Variants in ZPBP observed in about 807,000 individuals in gnomAD.
ZPBP encodes zona pellucida-binding protein 1.
In ZPBP, 26 loss-of-function variants were observed where a neutral mutation model predicts 44.8. The ratio of observed to expected loss-of-function variants is 0.58; its 90% CI spans 0.43 to 0.81. The LOEUF (loss-of-function observed/expected upper bound fraction) is 0.81, where lower values mean the gene tolerates loss of function less well. Ranked by LOEUF, ZPBP falls within the 30% of genes least tolerant of loss-of-function variation. The pLI is 0.00. For missense variants in ZPBP, 409 were observed against 434.0 expected (o/e 0.94, Z 0.51); for synonymous variants, 174 against 153.2 (o/e 1.14, Z -1.00).
At chr7:49,984,623 T>C (rs1397897028) in intron 6 of ZPBP, among the ~76,000 whole-genome samples, 3 of 152,126 alleles carry the variant, frequency 2.0e-5, no homozygotes, top group Non-Finnish European at 4.4e-5. Flanking sequence ...GAGAATCTAA[T>C]GCTGTCACTG....
chr7:49,879,589 T>A (rs942302255), intron 2 of ZPBP, among the ~76,000 whole-genome samples: 5 of 152,296 alleles, frequency 3.3e-5, no homozygotes, highest in Middle Eastern at 3.4e-3. Context: ...GCAGCACTTC[T>A]GGGTCCTGAC....
intron 7 of ZPBP, among the ~76,000 whole-genome samples, chr7:49,982,695 G>A (rs1326902968): frequency 6.6e-6 from 1 of 151,678 alleles, no homozygotes; most frequent in East Asian, 1.9e-4. Flanking sequence ...ACTAAGACAG[G>A]TATAAATTTA....
At chr7:49,959,135 C>T (rs2128763275) in intron 7 of ZPBP, among the ~76,000 whole-genome samples, 1 of 151,982 alleles carries the variant, frequency 6.6e-6, no homozygotes, top group Non-Finnish European at 1.5e-5. Flanking sequence ...AACCCTACAG[C>T]TAATACCATA....
intron 7 of ZPBP, among the ~76,000 whole-genome samples, chr7:49,950,460 G>A (rs1393144304): frequency 4.6e-5 from 7 of 151,648 alleles, no homozygotes; most frequent in Non-Finnish European, 8.9e-5. Context: ...AAAATTGGCA[G>A]CTTTTAACAA....
the ZPBP span, among the ~76,000 whole-genome samples, chr7:49,843,580 A>G: frequency 6.6e-6 from 1 of 152,326 alleles, no homozygotes; most frequent in South Asian, 2.1e-4. Flanking sequence ...TCAATGAATG[A>G]TTTTAGTTTT....
intron 6 of ZPBP, among the ~76,000 whole-genome samples, chr7:49,984,249 C>T (rs747311444): frequency 1.7e-4 from 26 of 152,278 alleles, no homozygotes; most frequent in Middle Eastern, 3.4e-3. Context: ...CACCTCATGT[C>T]TACTGAGTTC....
At chr7:50,023,576 C>T (rs1301251993) in intron 5 of ZPBP, among the ~76,000 whole-genome samples, 1 of 151,956 alleles carries the variant, frequency 6.6e-6, no homozygotes, top group Non-Finnish European at 1.5e-5. Context: ...GCATAATGTT[C>T]AGCTTTCCAC....
chr7:49,866,872 G>A (rs894097418), intron 2 of ZPBP, among the ~76,000 whole-genome samples: 6 of 152,278 alleles, frequency 3.9e-5, no homozygotes, highest in Admixed American at 1.3e-4. Flanking sequence ...TGCCTGAGGC[G>A]GGAACATGCC....
At chr7:49,847,619 C>T (rs1316880479), downstream of ZPBP, among the ~76,000 whole-genome samples, 1 of 152,186 alleles carries the variant, frequency 6.6e-6, no homozygotes, top group East Asian at 1.9e-4. Context: ...TTGAGGAACA[C>T]ACAGGGGCAC....
At chr7:49,992,692 T>A (rs1046065829) in intron 6 of ZPBP, among the ~76,000 whole-genome samples, 1 of 152,138 alleles carries the variant, frequency 6.6e-6, no homozygotes, top group Non-Finnish European at 1.5e-5. Flanking sequence ...ATAAAATGCA[T>A]TTATTGCAAG....
intron 3 of ZPBP, among the ~76,000 whole-genome samples, chr7:50,079,554 G>C (rs1202954514): frequency 6.6e-6 from 1 of 151,534 alleles, no homozygotes; most frequent in Admixed American, 6.6e-5. Flanking sequence ...ACCAGGGACT[G>C]GGGGGTTGGA....
At chr7:50,074,236 A>G (rs150902466) in intron 3 of ZPBP, among the ~76,000 whole-genome samples, 28 of 152,162 alleles carry the variant, frequency 1.8e-4, no homozygotes, top group African/African-American at 6.3e-4. Flanking sequence ...ATTATAAGAT[A>G]GCAATTGCAA....
chr7:50,004,953 G>C lies in ZPBP; in HGVS notation c.783+13287C>G, dbSNP rs115718012. On this transcript the variant is annotated intron_variant, in intron 6 of 7. Transcript: ENST00000046087. ...TGGCCACAAAAATACATAAAGCTCA[G>C]TGAATGCTAAGTAGTAATAATTTAA... Among the ~76,000 whole-genome samples, 699 of 151,686 alleles carry C rather than the reference G, an allele frequency of 4.6e-3. 13 individuals carry two copies. Among genetic ancestry groups the C allele is most frequent in the African/African-American group, 0.016 (679 of 41,296 alleles).
At chr7:49,943,738 G>A in intron 7 of ZPBP, 1 of 247,426 alleles carries the variant, frequency 4.0e-6, no homozygotes, top group Non-Finnish European at 7.9e-6. Flanking sequence ...CAATGTGACG[G>A]GAACGGGTAC....
chr7:49,947,699 T>A (rs1795160884), intron 7 of ZPBP, among the ~76,000 whole-genome samples: 1 of 152,232 alleles, frequency 6.6e-6, no homozygotes, highest in South Asian at 2.1e-4. Flanking sequence ...AGGCTCATAG[T>A]CACCACTGCC....
chr7:50,024,117 T>G (rs1799216316), intron 5 of ZPBP, among the ~76,000 whole-genome samples: 1 of 152,080 alleles, frequency 6.6e-6, no homozygotes, highest in African/African-American at 2.4e-5. Flanking sequence ...GGATATCATC[T>G]CATGCCTGCA....
chr7:49,939,065 C>A (rs952778558), intron 7 of ZPBP, among the ~76,000 whole-genome samples: 1 of 152,014 alleles, frequency 6.6e-6, no homozygotes, highest in African/African-American at 2.4e-5. Context: ...CCAGTGATAA[C>A]AACAGTATTT....
chr7:49,998,668 A>G (rs1233783792), intron 6 of ZPBP, among the ~76,000 whole-genome samples: 1 of 152,098 alleles, frequency 6.6e-6, no homozygotes, highest in African/African-American at 2.4e-5. Flanking sequence ...AAATCTGGTA[A>G]GACTAGAGAG....
chr7:50,036,056 T>C (rs1799812735), intron 4 of ZPBP, among the ~76,000 whole-genome samples: 1 of 152,224 alleles, frequency 6.6e-6, no homozygotes, highest in Non-Finnish European at 1.5e-5. Context: ...TTTGGTAAAT[T>C]GCATGAGAGT....
Sources: gnomAD v4.1 joint callset for allele counts (sites outside exome capture counted in the v4.1 genomes callset) on GRCh38, gnomAD v4.1.1 for gene constraint, MANE v1.5 for transcripts, NCBI Gene and HGNC (gene_info 2026-07-23, HGNC 2026-07-21) for gene names.